The following TIMP3 variants were observed in gnomAD, a reference collection of about 807,000 sequenced individuals.
TIMP3 encodes the protein TIMP metallopeptidase inhibitor 3, also known as metalloproteinase inhibitor 3.
In TIMP3, 11 loss-of-function variants were observed where a neutral mutation model predicts 30.0. The ratio of observed to expected loss-of-function variants is 0.37; its 90% CI spans 0.23 to 0.61. The LOEUF (loss-of-function observed/expected upper bound fraction) is 0.61, where lower values mean the gene tolerates loss of function less well. Ranked by LOEUF, TIMP3 falls within the 20% of genes least tolerant of loss-of-function variation. The pLI is 0.70. For missense variants in TIMP3, 181 were observed against 276.8 expected (o/e 0.65, Z 2.45); for synonymous variants, 112 against 111.3 (o/e 1.01, Z -0.04).
At chr22:32,806,118 C>T (rs1277381874) in intron 1 of TIMP3, among the ~76,000 whole-genome samples, 1 of 151,924 alleles carries the variant, frequency 6.6e-6, no homozygotes, top group African/African-American at 2.4e-5. Flanking sequence ...GGCTTCAAGA[C>T]TCTTCCCTTA....
intron 2 of TIMP3, among the ~76,000 whole-genome samples, chr22:32,851,565 C>G (rs1230981376): frequency 6.6e-6 from 1 of 152,184 alleles, no homozygotes; most frequent in Non-Finnish European, 1.5e-5. Flanking sequence ...CCATCCTTCG[C>G]CTGAGCTCAT....
rs2048527688 is a variant in TIMP3, at chr22:32,861,192, A to C, written c.*1815A>C. ...ACAGAAGAAGAAAAAAAAAAAAAGC[A>C]GCAGACAACACACTGTAGAGTCTTG... On this transcript the variant is annotated 3_prime_UTR_variant, in exon 5 of 5. Transcript: ENST00000266085. 6.7e-6 allele frequency: 1 copy of C among 150,272 alleles called. No individual in the cohort carries two copies. Among genetic ancestry groups the C allele is most frequent in the Non-Finnish European group, 1.5e-5 (1 of 67,610 alleles). 9.3% of individuals were successfully genotyped at this position (150,272 alleles called of 1,614,324 possible). A position where few individuals can be genotyped will look rare whatever the true frequency, so the allele number is the denominator to read the frequency against.
rs1249591605 is a variant in TIMP3, at chr22:32,837,256, G to A, written c.122-12196G>A. The stretch of plus-strand genomic sequence containing the variant: ...TTGAAGACCATGCTGCTATTCTGGT[G>A]GCCACTTGTGTGGGATAAAGTTTCC... On this transcript the variant is annotated intron_variant, in intron 1 of 4. Transcript: ENST00000266085. This position sits in a 1 kb window ranked among gnomAD's most constrained non-coding sequence, Gnocchi z 4.1. 6.6e-6 allele frequency among the ~76,000 whole-genome samples: 1 copy of A among 152,190 alleles called. No individual in the cohort carries two copies. Among genetic ancestry groups the A allele is most frequent in the East Asian group, 1.9e-4 (1 of 5,188 alleles).
intron 1 of TIMP3, among the ~76,000 whole-genome samples, chr22:32,833,502 TG>T (rs1329970257): frequency 6.6e-6 from 1 of 152,218 alleles, no homozygotes; most frequent in Non-Finnish European, 1.5e-5. Flanking sequence ...AGTTTAACCT[TG>T]GGATGGGACT....
rs554775591 is a variant in TIMP3, at chr22:32,802,111, A to G, written c.110A>G (p.Asn37Ser). 46 of 1,582,688 alleles carry G rather than the reference A, an allele frequency of 2.9e-5. No individual in the cohort carries two copies. The African/African-American group carries it at 5.6e-4, about 19-fold the overall frequency. Residue 37 changes from asparagine to serine, a missense_variant, in exon 1 of 5, where the codon AAC becomes AGC. Asn to Ser is a conservative substitution (Grantham distance 46). Transcript: ENST00000266085. The part of the protein sequence containing the change: ...SPSHPQDAFC[N>S]SDIVIRAKVV... ...AGCCACCCCCAGGACGCCTTCTGCA[A>G]CTCCGACATCGGTAAGCGCTCCTGG... is the stretch of plus-strand genomic sequence containing the variant.
chr22:32,801,809 G>C lies in TIMP3; in HGVS notation c.-193G>C. On this transcript the variant is annotated 5_prime_UTR_variant, in exon 1 of 5. Transcript: ENST00000266085. This position sits in a 1 kb window ranked among gnomAD's most constrained non-coding sequence, Gnocchi z 4.7. The stretch of plus-strand genomic sequence containing the variant: ...CGGGAGGCCGCCCGCCGAGTCCTGC[G>C]CCAGCGCCGAGGCAGCCTCGCTGCG... The C allele has an allele frequency of 1.9e-6, 1 of 530,792 alleles. No individual in the cohort carries two copies. The highest frequency in any genetic ancestry group is 2.6e-6 in the Non-Finnish European group (1 of 378,044). 32.9% of individuals were successfully genotyped at this position (530,792 alleles called of 1,614,324 possible).
intron 1 of TIMP3, among the ~76,000 whole-genome samples, chr22:32,845,958 G>A (rs1040151976): frequency 1.3e-5 from 2 of 152,188 alleles, no homozygotes; most frequent in African/African-American, 4.8e-5. Flanking sequence ...GAGCAAATAC[G>A]GACAGATTAA....
At chr22:32,820,948 T>C (rs899849621) in intron 1 of TIMP3, among the ~76,000 whole-genome samples, 2 of 152,202 alleles carry the variant, frequency 1.3e-5, no homozygotes, top group African/African-American at 4.8e-5. Context: ...AGAGACATGT[T>C]AATTGGCTTC....
At chr22:32,833,431 C>A (rs951207797) in intron 1 of TIMP3, among the ~76,000 whole-genome samples, 28 of 151,540 alleles carry the variant, frequency 1.8e-4, no homozygotes, top group South Asian at 6.3e-4. Context: ...TTTTTATAGT[C>A]AAAAAAAATG....
At chr22:32,806,007 G>A (rs2046724590) in intron 1 of TIMP3, among the ~76,000 whole-genome samples, 1 of 151,858 alleles carries the variant, frequency 6.6e-6, no homozygotes, top group East Asian at 2.0e-4. Context: ...ATTAGATCTG[G>A]AAAAGACCCT....
rs945399161 is a variant in TIMP3, at chr22:32,801,912, C to A, written c.-90C>A. On this transcript the variant is annotated 5_prime_UTR_variant, in exon 1 of 5. Transcript: ENST00000266085. This position sits in a 1 kb window ranked among gnomAD's most constrained non-coding sequence, Gnocchi z 4.7. ...TGCCCCGCACGGCCCGGCGGGCGAG[C>A]GAGCTCGGGCTGCAGCAGCCCCGCC... 5.1e-5 allele frequency: 72 copies of A among 1,420,474 alleles called. No individual in the cohort carries two copies. Among genetic ancestry groups the A allele is most frequent in the Non-Finnish European group, 5.7e-5 (62 of 1,094,084 alleles). The allele number at this position is 1,420,474 out of a possible 1,614,324, so 88.0% of individuals were successfully genotyped here. A position where few individuals can be genotyped will look rare whatever the true frequency, so the allele number is the denominator to read the frequency against.
intron 1 of TIMP3, among the ~76,000 whole-genome samples, chr22:32,816,568 G>C (rs2047092923): frequency 6.6e-6 from 1 of 152,132 alleles, no homozygotes; most frequent in African/African-American, 2.4e-5. Flanking sequence ...GTCAGGGAAA[G>C]ACAAGTTCAG....
At chr22:32,850,458 A>G (rs1436490873) in intron 2 of TIMP3, among the ~76,000 whole-genome samples, 1 of 152,112 alleles carries the variant, frequency 6.6e-6, no homozygotes, top group African/African-American at 2.4e-5. Flanking sequence ...TTGCCTTAGC[A>G]CAGAAGACTG....
intron 1 of TIMP3, 77 bp downstream of exon 1, chr22:32,802,199 C>T: frequency 6.6e-7 from 1 of 1,516,932 alleles, no homozygotes; most frequent in South Asian, 1.2e-5. Flanking sequence ...GCAGGGCGAG[C>T]CCCACTCCTT....
At position 32,849,028 on chromosome 22, in the gene TIMP3, G is replaced by A. The variant is rs149184926; in HGVS notation, c.122-424G>A. Among the ~76,000 whole-genome samples, 66 of 152,306 alleles carry A rather than the reference G, an allele frequency of 4.3e-4. 1 individual carries two copies. The East Asian group carries it at 0.011, about 25-fold the overall frequency. ...CATGCAAAGGAAGAGCCCCAAATGA[G>A]GTGGTTAGAAAGGGGTCCTAGTGGA... On this transcript the variant is annotated intron_variant, in intron 1 of 4. Coordinates refer to ENST00000266085, the MANE Select transcript of TIMP3 (RefSeq NM_000362.5).
intron 1 of TIMP3, among the ~76,000 whole-genome samples, chr22:32,809,460 A>T (rs563695436): frequency 1.2e-3 from 187 of 152,126 alleles, no homozygotes; most frequent in Non-Finnish European, 2.1e-3. Context: ...ATCCTAACAT[A>T]ACCAAGCCTT....
At chr22:32,841,992 A>G (rs1226079248) in intron 1 of TIMP3, among the ~76,000 whole-genome samples, 2 of 152,174 alleles carry the variant, frequency 1.3e-5, no homozygotes, top group Non-Finnish European at 2.9e-5. Flanking sequence ...CGATGACCGG[A>G]CTGAGCACCA....
At chr22:32,807,386 T>TTATATATAATATATAA (rs1569239860) in intron 1 of TIMP3, among the ~76,000 whole-genome samples, 114 of 104,268 alleles carry the variant, frequency 1.1e-3, no homozygotes, top group Non-Finnish European at 1.5e-3. Context: ...ATAATATATA[T>TTATATATAATATATAA]TATATATAAT....
At chr22:32,826,427 C>T (rs2047414648) in intron 1 of TIMP3, among the ~76,000 whole-genome samples, 2 of 150,376 alleles carry the variant, frequency 1.3e-5, no homozygotes, top group African/African-American at 4.9e-5. Flanking sequence ...AACTCCGTCT[C>T]AAAAATAAAT....
Sources: allele counts gnomAD v4.1 joint callset (sites outside exome capture counted in the v4.1 genomes callset), GRCh38; gene constraint gnomAD v4.1.1; non-coding constraint Gnocchi (gnomAD v3.1); transcripts MANE v1.5; gene names NCBI Gene and HGNC (gene_info 2026-07-23, HGNC 2026-07-21).